Variants in CSMD1 observed in about 807,000 individuals in gnomAD.
CSMD1 encodes the protein CUB and Sushi multiple domains 1, also known as CUB and sushi domain-containing protein 1.
A neutral mutation model predicts 417.5 loss-of-function variants in CSMD1; 213 were observed. That is an observed-to-expected ratio of 0.51 (90% confidence interval 0.46 to 0.57). CSMD1 has a LOEUF of 0.57. CSMD1 is among the 20% of genes least tolerant of loss of function. The pLI is 0.00. For missense variants in CSMD1, 6,923 were observed against 4,529.7 expected, an observed-to-expected ratio of 1.53 and a Z score of -15.17; for synonymous variants, 2,862 against 1,736.8, an observed-to-expected ratio of 1.65 and a Z score of -16.11.
At chr8:4,180,327 A>T (rs559822748) in intron 3 of CSMD1, among the ~76,000 whole-genome samples, 48 of 151,366 alleles carry the variant, frequency 3.2e-4, no homozygotes, top group African/African-American at 1.1e-3. Context: ...TATTGCAAGG[A>T]CAAAAAACCA....
chr8:4,605,180 A>G (rs1174146800), intron 2 of CSMD1, among the ~76,000 whole-genome samples: 2 of 152,234 alleles, frequency 1.3e-5, no homozygotes, highest in African/African-American at 4.8e-5. Flanking sequence ...ACAACTTCAA[A>G]TATAACTTGA....
chr8:3,380,408 T>C (rs1810560559), intron 18 of CSMD1, among the ~76,000 whole-genome samples: 1 of 152,192 alleles, frequency 6.6e-6, no homozygotes. Context: ...CAAAGGATTA[T>C]AAATCATTCT....
intron 45 of CSMD1, 71 bp from the exon 46 acceptor site, chr8:3,106,712 T>C: frequency 4.1e-6 from 3 of 732,174 alleles, no homozygotes; most frequent in Non-Finnish European, 7.0e-6. Context: ...GTGACACATG[T>C]AGGACTACTT....
intron 1 of CSMD1, among the ~76,000 whole-genome samples, chr8:4,864,540 G>C (rs1802313976): frequency 1.3e-5 from 2 of 151,528 alleles, no homozygotes; most frequent in Non-Finnish European, 3.0e-5. Context: ...TTTATGGGCA[G>C]AGTGATCATC....
At chr8:3,650,553 T>A (rs76916693) in intron 7 of CSMD1, among the ~76,000 whole-genome samples, 7,461 of 152,278 alleles carry the variant, frequency 0.049, 248 homozygotes, top group Middle Eastern at 0.088. Flanking sequence ...GAATCTGTTA[T>A]GTTATTACAG....
At chr8:3,741,908 C>G (rs535259479) in intron 6 of CSMD1, among the ~76,000 whole-genome samples, 1 of 152,202 alleles carries the variant, frequency 6.6e-6, no homozygotes, top group Admixed American at 6.5e-5. Flanking sequence ...CATATTCTGG[C>G]CCAAACCTAC....
At chr8:4,300,349 A>G (rs1797913142) in intron 3 of CSMD1, among the ~76,000 whole-genome samples, 3 of 152,206 alleles carry the variant, frequency 2.0e-5, no homozygotes. Flanking sequence ...TTAAAAGGTA[A>G]AAATAAAATA....
chr8:4,573,762 G>C (rs560557489), intron 2 of CSMD1, among the ~76,000 whole-genome samples: 83 of 152,296 alleles, frequency 5.4e-4, no homozygotes, highest in Non-Finnish European at 4.4e-5. Flanking sequence ...AGGGAGACAG[G>C]AATTTTATCT....
chr8:3,716,467 G>T (rs1563304263), intron 6 of CSMD1, among the ~76,000 whole-genome samples: 1 of 152,174 alleles, frequency 6.6e-6, no homozygotes, highest in South Asian at 2.1e-4. Context: ...ACCATATAGA[G>T]TAACTTTGTG....
chr8:3,672,171 G>C (rs572978328), intron 7 of CSMD1, among the ~76,000 whole-genome samples: 2 of 152,180 alleles, frequency 1.3e-5, no homozygotes, highest in East Asian at 1.9e-4. Flanking sequence ...TCTCTTTATG[G>C]TCAGGGATCT....
At chr8:4,565,075 A>G (rs148455258) in intron 2 of CSMD1, among the ~76,000 whole-genome samples, 1 of 152,174 alleles carries the variant, frequency 6.6e-6, no homozygotes, top group African/African-American at 2.4e-5. Context: ...ACTGAAGAAA[A>G]ACTTTCCCTG....
intron 2 of CSMD1, among the ~76,000 whole-genome samples, chr8:4,503,989 A>G (rs1019899430): frequency 6.6e-6 from 1 of 152,046 alleles, no homozygotes; most frequent in Non-Finnish European, 1.5e-5. Flanking sequence ...AAAAAAGAAA[A>G]AAAAAGGAAA....
At chr8:4,109,450 C>T (rs2130905649) in intron 3 of CSMD1, among the ~76,000 whole-genome samples, 1 of 152,236 alleles carries the variant, frequency 6.6e-6, no homozygotes, top group East Asian at 1.9e-4. Context: ...GAATTGAGTA[C>T]CACACCACTA....
intron 26 of CSMD1, among the ~76,000 whole-genome samples, chr8:3,257,806 TG>T (rs2117070696): frequency 6.6e-6 from 1 of 151,496 alleles, no homozygotes; most frequent in South Asian, 2.1e-4. Context: ...GGGCGATCGG[TG>T]GGTGGGGTGA....
intron 3 of CSMD1, among the ~76,000 whole-genome samples, chr8:4,144,046 T>C (rs1188325329): frequency 6.6e-6 from 1 of 151,272 alleles, no homozygotes; most frequent in African/African-American, 2.5e-5. Context: ...TGATCCTTTG[T>C]TGTTAGGAAA....
At chr8:3,344,486 A>G (rs1410857447) in intron 22 of CSMD1, among the ~76,000 whole-genome samples, 1 of 152,204 alleles carries the variant, frequency 6.6e-6, no homozygotes, top group Admixed American at 6.5e-5. Flanking sequence ...AAAAAAGTCA[A>G]TGCAGCAGTC....
intron 1 of CSMD1, among the ~76,000 whole-genome samples, chr8:4,941,795 C>A (rs1331292240): frequency 6.6e-6 from 1 of 152,020 alleles, no homozygotes; most frequent in Non-Finnish European, 1.5e-5. Context: ...GACAGGGTCT[C>A]CCCATGTTGC....
chr8:4,560,547 G>A (rs373131582), intron 2 of CSMD1, among the ~76,000 whole-genome samples: 12 of 152,314 alleles, frequency 7.9e-5, no homozygotes, highest in Admixed American at 3.9e-4. Flanking sequence ...TCTGCTACCT[G>A]TAGATACAGT....
intron 1 of CSMD1, among the ~76,000 whole-genome samples, chr8:4,791,132 C>A (rs775059333): frequency 1.4e-5 from 2 of 145,452 alleles, no homozygotes; most frequent in Admixed American, 6.7e-5. Flanking sequence ...GAGGGAGAAA[C>A]TTTTAAGTGA....
Sources: gnomAD v4.1 joint callset for allele counts (sites outside exome capture counted in the v4.1 genomes callset) on GRCh38, gnomAD v4.1.1 for gene constraint, MANE v1.5 for transcripts, NCBI Gene and HGNC (gene_info 2026-07-23, HGNC 2026-07-21) for gene names.